The following DGKB variants were observed in gnomAD, a reference collection of about 807,000 sequenced individuals.
The protein encoded by DGKB is diacylglycerol kinase beta.
DGKB carries 67 observed loss-of-function variants against 114.3 expected under a neutral mutation model. The ratio of observed to expected loss-of-function variants is 0.59; its 90% CI spans 0.48 to 0.72. DGKB has a LOEUF of 0.72. Among genes scored for constraint, DGKB ranks in the 30% least tolerant of loss-of-function variants. The pLI, the probability that DGKB is intolerant of heterozygous loss-of-function variation, is 0.00. For missense variants in DGKB, 907 were observed against 975.2 expected (o/e 0.93, Z 0.93); for synonymous variants, 398 against 323.1 (o/e 1.23, Z -2.49).
chr7:14,712,942 T>C (rs1827609935), intron 6 of DGKB, among the ~76,000 whole-genome samples: 1 of 152,048 alleles, frequency 6.6e-6, no homozygotes, highest in Non-Finnish European at 1.5e-5. Flanking sequence ...AAAATAAATA[T>C]ATAGCTGTTT....
intron 9 of DGKB, among the ~76,000 whole-genome samples, chr7:14,692,322 G>C (rs2128991663): frequency 6.6e-6 from 1 of 151,850 alleles, no homozygotes; most frequent in African/African-American, 2.4e-5. Flanking sequence ...TCTCATCCTA[G>C]AATTTACATA....
rs114209770 is a variant in DGKB, at chr7:14,541,147, G to A, written c.1770+33065C>T. ...TAGACACATTCATATGACAAGTGAT[G>A]CCATGTCCAAAGATCTGTGGGATTC... On this transcript the variant is annotated intron_variant, in intron 20 of 25. Coordinates refer to ENST00000402815, the MANE Select transcript of DGKB (RefSeq NM_001350709.2). Among the ~76,000 whole-genome samples the A allele has an allele frequency of 3.6e-3, 542 of 151,502 alleles. 1 individual carries two copies. Among genetic ancestry groups the A allele is most frequent in the African/African-American group, 0.013 (518 of 41,288 alleles).
At chr7:14,447,755 G>T (rs1210237451) in intron 21 of DGKB, among the ~76,000 whole-genome samples, 1 of 152,012 alleles carries the variant, frequency 6.6e-6, no homozygotes, top group African/African-American at 2.4e-5. Flanking sequence ...CAGCCAAGTT[G>T]TCACAGCACA....
intron 8 of DGKB, among the ~76,000 whole-genome samples, chr7:14,695,042 T>C (rs188702877): frequency 6.6e-6 from 1 of 152,182 alleles, no homozygotes. Flanking sequence ...TGTTAATCAA[T>C]TTGGAAAAAA....
chr7:14,331,741 A>AT (rs1424803786), intron 23 of DGKB, among the ~76,000 whole-genome samples: 1 of 152,188 alleles, frequency 6.6e-6, no homozygotes, highest in Non-Finnish European at 1.5e-5. Flanking sequence ...GGCAAAAGAA[A>AT]TTTAAGTTTT....
chr7:14,797,052 T>G (rs1027952399), intron 2 of DGKB, among the ~76,000 whole-genome samples: 1 of 152,224 alleles, frequency 6.6e-6, no homozygotes, highest in Non-Finnish European at 1.5e-5. Flanking sequence ...TTGGTATCAT[T>G]GCTTACAAGT....
chr7:14,616,755 C>T (rs1585131365), intron 15 of DGKB, among the ~76,000 whole-genome samples: 1 of 151,864 alleles, frequency 6.6e-6, no homozygotes, highest in East Asian at 1.9e-4. Context: ...GTGCTTGAGG[C>T]TCTCTCTACA....
intron 20 of DGKB, among the ~76,000 whole-genome samples, chr7:14,506,302 T>C (rs1282785738): frequency 6.6e-6 from 1 of 152,208 alleles, no homozygotes; most frequent in Non-Finnish European, 1.5e-5. Flanking sequence ...GTCCAGACCT[T>C]CATATGATGT....
chr7:14,597,184 G>C (rs1169901654), intron 17 of DGKB, among the ~76,000 whole-genome samples: 1 of 152,024 alleles, frequency 6.6e-6, no homozygotes, highest in Non-Finnish European at 1.5e-5. Flanking sequence ...TTCCAGCCTG[G>C]GCGACAGAGC....
At chr7:14,206,485 T>C (rs1247158952) in intron 23 of DGKB, among the ~76,000 whole-genome samples, 1 of 152,030 alleles carries the variant, frequency 6.6e-6, no homozygotes, top group African/African-American at 2.4e-5. Flanking sequence ...CAGCACAGAA[T>C]TTCAGGGCAT....
intron 20 of DGKB, among the ~76,000 whole-genome samples, chr7:14,528,831 T>C (rs944262872): frequency 1.3e-5 from 2 of 152,114 alleles, no homozygotes; most frequent in Admixed American, 1.3e-4. Flanking sequence ...GAAGTGCCAC[T>C]GTGCCTTTTA....
intron 21 of DGKB, among the ~76,000 whole-genome samples, chr7:14,384,953 G>A (rs1367614398): frequency 5.9e-5 from 9 of 152,162 alleles, no homozygotes; most frequent in Middle Eastern, 6.8e-3. Context: ...CCCTAGGACC[G>A]AATAGGTAGT....
intron 20 of DGKB, among the ~76,000 whole-genome samples, chr7:14,538,451 G>C (rs1284139187): frequency 1.3e-5 from 2 of 152,090 alleles, no homozygotes; most frequent in Non-Finnish European, 2.9e-5. Context: ...CCTTATTCCT[G>C]TCAGGATGGC....
intron 23 of DGKB, among the ~76,000 whole-genome samples, chr7:14,257,656 G>A (rs575331635): frequency 4.9e-4 from 75 of 152,210 alleles, no homozygotes; most frequent in African/African-American, 1.8e-3. Context: ...GTGAAGAGGT[G>A]TCTTCCATCA....
At chr7:14,895,526 A>C (rs1214655895) in intron 1 of DGKB, among the ~76,000 whole-genome samples, 1 of 151,636 alleles carries the variant, frequency 6.6e-6, no homozygotes, top group Non-Finnish European at 1.5e-5. Flanking sequence ...TTCCTTTCAC[A>C]GCACTATTAC....
chr7:14,177,216 A>G (rs1033419678), intron 24 of DGKB, among the ~76,000 whole-genome samples: 4 of 152,128 alleles, frequency 2.6e-5, no homozygotes, highest in Admixed American at 1.3e-4. Flanking sequence ...CCTTGTTTTT[A>G]TAACCCTACA....
chr7:14,713,083 C>A (rs2128338084), intron 6 of DGKB, among the ~76,000 whole-genome samples: 1 of 152,136 alleles, frequency 6.6e-6, no homozygotes. Context: ...ATGCTCATGT[C>A]ATTTCACTTT....
At chr7:14,313,444 G>A (rs555114349) in intron 23 of DGKB, among the ~76,000 whole-genome samples, 14 of 152,116 alleles carry the variant, frequency 9.2e-5, no homozygotes, top group Middle Eastern at 3.2e-3. Context: ...AGCAGGGCGA[G>A]GCATTGCCTC....
At position 14,782,944 on chromosome 7, in the gene DGKB, A is replaced by C. The variant is rs546022990; in HGVS notation, c.71-25213T>G. On this transcript the variant is annotated intron_variant, in intron 2 of 25. Coordinates refer to ENST00000402815, the MANE Select transcript of DGKB (RefSeq NM_001350709.2). ...AAATTCTGGGCTCAAGAAATCCCCC[A>C]GCCTCAGCCTCCCAAGTCACTGGGA... is the stretch of plus-strand genomic sequence containing the variant. Among the ~76,000 whole-genome samples the C allele has an allele frequency of 4.4e-3, 666 of 152,102 alleles. 7 individuals are homozygous for C. Among genetic ancestry groups the C allele is most frequent in the African/African-American group, 0.015 (623 of 41,486 alleles).
Sources: gnomAD v4.1 joint callset for allele counts (sites outside exome capture counted in the v4.1 genomes callset) on GRCh38, gnomAD v4.1.1 for gene constraint, MANE v1.5 for transcripts, NCBI Gene and HGNC (gene_info 2026-07-23, HGNC 2026-07-21) for gene names.